Variants in GSDME observed in about 807,000 individuals in gnomAD.
GSDME encodes gasdermin-E.
In GSDME, 44 loss-of-function variants were observed where a neutral mutation model predicts 47.5. The observed-to-expected ratio is 0.93, with a 90% confidence interval of 0.73 to 1.19. GSDME has a LOEUF of 1.19. Among genes scored for constraint, GSDME ranks in the 50% most tolerant of loss-of-function variants. The pLI is 0.00. For missense variants in GSDME, 663 were observed against 604.2 expected (o/e 1.10, Z -1.02); for synonymous variants, 258 against 252.8 (o/e 1.02, Z -0.20).
At position 24,706,202 on chromosome 7, in the gene GSDME, A is replaced by G; in HGVS notation, c.1165T>C (p.Leu389=). 1 of 1,614,214 alleles carries G rather than the reference A, an allele frequency of 6.2e-7. No individual in the cohort carries two copies. Among genetic ancestry groups the G allele is most frequent in the Non-Finnish European group, 8.5e-7 (1 of 1,180,040 alleles). The change falls in exon 8 of 10, where the codon TTG becomes CTG. Residue 389 remains leucine (L), a synonymous_variant. Transcript: ENST00000645220. The part of the protein sequence containing the change: ...SKQLFMTAYF[L]VSALAEMPDS... ...TCCTTACCTGCGAGGGCACTGACCA[A>G]GAAGTAGGCTGTCATAAACAGCTGC...
intron 3 of GSDME, among the ~76,000 whole-genome samples, chr7:24,737,243 A>G (rs1390801287): frequency 6.6e-6 from 1 of 152,048 alleles, no homozygotes; most frequent in Non-Finnish European, 1.5e-5. Flanking sequence ...AATGAAGTTG[A>G]CAAACCTTTA....
chr7:24,752,272 C>T (rs1448902003), intron 1 of GSDME, among the ~76,000 whole-genome samples: 2 of 152,190 alleles, frequency 1.3e-5, no homozygotes, highest in Non-Finnish European at 2.9e-5. Flanking sequence ...TTGACTCTTG[C>T]ACTGGAATGC....
chr7:24,706,782 G>A (rs755931342), intron 7 of GSDME, among the ~76,000 whole-genome samples: 6 of 152,244 alleles, frequency 3.9e-5, no homozygotes, highest in Non-Finnish European at 7.3e-5. Context: ...CTGGGCAGCT[G>A]CATCTGTCCC....
At chr7:24,730,089 C>T (rs1319423788) in intron 3 of GSDME, among the ~76,000 whole-genome samples, 2 of 152,194 alleles carry the variant, frequency 1.3e-5, no homozygotes, top group Non-Finnish European at 2.9e-5. Context: ...CAACTGGACT[C>T]ATGCCTCACC....
the GSDME span, among the ~76,000 whole-genome samples, chr7:24,770,355 C>A: frequency 6.6e-5 from 10 of 152,186 alleles, no homozygotes. The surrounding 1 kb of genome is among the most constrained non-coding windows in gnomAD (Gnocchi z 4.6). Context: ...TTGACTGTTG[C>A]TGAGTTGTAT....
In GSDME at chr7:24,733,396, A is replaced by G. The variant is rs77518121; in HGVS notation, c.404+11166T>C. ...GAGGAGAGATTCCTTCTGCTTGAGA[A>G]AAGCAGAGAGAAAAGAGGACTTTGT... On this transcript the variant is annotated intron_variant, in intron 3 of 9. Coordinates refer to ENST00000645220, the MANE Select transcript of GSDME (RefSeq NM_001127453.2). The surrounding 1 kb of genome is among the most constrained non-coding windows in gnomAD (Gnocchi z 4.3). Among the ~76,000 whole-genome samples the G allele has an allele frequency of 6.6e-6, 1 of 152,148 alleles. No individual in the cohort carries two copies. The highest frequency in any genetic ancestry group is 2.4e-5 in the African/African-American group (1 of 41,418).
chr7:24,752,293 A>T (rs1030712884), intron 1 of GSDME, among the ~76,000 whole-genome samples: 1 of 152,182 alleles, frequency 6.6e-6, no homozygotes, highest in South Asian at 2.1e-4. Flanking sequence ...AGCATTCCAG[A>T]GTGGAGAAGG....
chr7:24,755,539 C>T (rs894441805), intron 1 of GSDME, among the ~76,000 whole-genome samples: 4 of 152,242 alleles, frequency 2.6e-5, no homozygotes, highest in African/African-American at 9.6e-5. Context: ...TGAGACATCT[C>T]AGGGTTCCCC....
At chr7:24,708,837 A>T (rs56233321) in intron 6 of GSDME, among the ~76,000 whole-genome samples, 1 of 152,148 alleles carries the variant, frequency 6.6e-6, no homozygotes, top group African/African-American at 2.4e-5. Context: ...CCCCGAAGCT[A>T]TTGCCTCTGC....
At chr7:24,737,432 G>T (rs537986947) in intron 3 of GSDME, among the ~76,000 whole-genome samples, 35 of 151,842 alleles carry the variant, frequency 2.3e-4, no homozygotes, top group African/African-American at 8.2e-4. Context: ...AACCTACCAA[G>T]ATTGAACCGT....
In GSDME at chr7:24,733,260, C is replaced by T. The variant is rs929873818; in HGVS notation, c.404+11302G>A. On this transcript the variant is annotated intron_variant, in intron 3 of 9. Coordinates refer to ENST00000645220, the MANE Select transcript of GSDME (RefSeq NM_001127453.2). The surrounding 1 kb of genome is among the most constrained non-coding windows in gnomAD (Gnocchi z 4.3). ...TAAAGAGCCCTGGGCCCTGCATGAT[C>T]TGCAACAGTAACCAGGCAATACATG... Among the ~76,000 whole-genome samples the T allele has an allele frequency of 1.5e-4, 23 of 151,956 alleles. No individual in the cohort carries two copies. The highest frequency in any genetic ancestry group is 5.6e-4 in the African/African-American group (23 of 41,338).
At chr7:24,748,161 TATATATA>T (rs1562714889) in intron 2 of GSDME, among the ~76,000 whole-genome samples, 8 of 112,836 alleles carry the variant, frequency 7.1e-5, no homozygotes, top group South Asian at 7.6e-4. Flanking sequence ...TATATATATA[TATATATA>T]TTTTTTTTTG....
At chr7:24,778,083 G>A in the GSDME span, among the ~76,000 whole-genome samples, 1 of 144,822 alleles carries the variant, frequency 6.9e-6, no homozygotes, top group Non-Finnish European at 1.5e-5. The surrounding 1 kb of genome is among the most constrained non-coding windows in gnomAD (Gnocchi z 5.6). Flanking sequence ...AATGGTGGGG[G>A]AGGGAGAGAG....
chr7:24,778,323 G>A, the GSDME span, among the ~76,000 whole-genome samples: 10 of 152,018 alleles, frequency 6.6e-5, no homozygotes, highest in Non-Finnish European at 1.2e-4. The surrounding 1 kb of genome is among the most constrained non-coding windows in gnomAD (Gnocchi z 5.6). Flanking sequence ...CCTGGCCAGG[G>A]AGCTTCAGAC....
In GSDME at chr7:24,707,839, G is replaced by A; in HGVS notation, c.990+288C>T. 3.6e-6 allele frequency: 2 copies of A among 554,982 alleles called. 1 individual carries two copies. The highest frequency in any genetic ancestry group is 5.4e-5 in the South Asian group (2 of 37,094). The allele number at this position is 554,982 out of a possible 1,614,324, so 34.4% of individuals were successfully genotyped here. On this transcript the variant is annotated intron_variant, in intron 7 of 9. Transcript: ENST00000645220. ...GATCCTCTGGGGGAAGTGTGGCCCT[G>A]CAGACACCTAGACTTTGGACTTTTG...
rs1263566588 is a variant in GSDME, at chr7:24,732,497, GT to G, written c.404+12064del. On this transcript the variant is annotated intron_variant, in intron 3 of 9. Transcript: ENST00000645220. The surrounding 1 kb of genome is among the most constrained non-coding windows in gnomAD (Gnocchi z 4.8). ...ATCAGGTGAGCAATCACAGTACCTG[GT>G]TTTGACTTCATTTTGCTGAAAGAGG... Among the ~76,000 whole-genome samples, 4 of 152,344 alleles carry G rather than the reference GT, an allele frequency of 2.6e-5. No homozygotes were observed. The East Asian group carries it at 7.7e-4, about 29-fold the overall frequency.
chr7:24,704,239 G>A (rs1290873362), intron 8 of GSDME: 1 of 152,168 alleles, frequency 6.6e-6, no homozygotes, highest in African/African-American at 2.4e-5. Context: ...GCTCTTCCAT[G>A]TACCAATTCT....
chr7:24,708,396 A>G, intron 6 of GSDME, 142 bp from the exon 7 acceptor site: 1 of 1,036,036 alleles, frequency 9.7e-7, no homozygotes, highest in South Asian at 1.4e-5. Flanking sequence ...TGGAACTCAG[A>G]AATAAACATC....
At chr7:24,784,368 G>A in the GSDME span, among the ~76,000 whole-genome samples, 3 of 152,180 alleles carry the variant, frequency 2.0e-5, no homozygotes, top group African/African-American at 7.2e-5. Context: ...AAGCTGAGGA[G>A]CAACGAAGCC....
Sources: gnomAD v4.1 joint callset for allele counts (sites outside exome capture counted in the v4.1 genomes callset) on GRCh38, gnomAD v4.1.1 for gene constraint, Gnocchi (gnomAD v3.1) non-coding constraint, MANE v1.5 for transcripts, NCBI Gene and HGNC (gene_info 2026-07-23, HGNC 2026-07-21) for gene names.